TMEM132B: variants seen among roughly 807,000 people sequenced by gnomAD.
TMEM132B encodes transmembrane protein 132B.
A neutral mutation model predicts 90.8 loss-of-function variants in TMEM132B; 18 were observed. The observed-to-expected ratio is 0.20, with a 90% CI of 0.14 to 0.29. TMEM132B has a LOEUF of 0.29. TMEM132B is among the 10% of genes least tolerant of loss of function. TMEM132B has a pLI of 1.00. For missense variants in TMEM132B, 1,096 were observed against 1,326.8 expected, an observed-to-expected ratio of 0.83 and a Z score of 2.70; for synonymous variants, 504 against 523.3, an observed-to-expected ratio of 0.96 and a Z score of 0.50.
At chr12:125,470,617 T>C (rs1054470037) in intron 3 of TMEM132B, among the ~76,000 whole-genome samples, 18 of 152,128 alleles carry the variant, frequency 1.2e-4, no homozygotes, top group African/African-American at 4.1e-4. Flanking sequence ...CAGTGGTATA[T>C]CTAGTGGGTA....
intron 1 of TMEM132B, among the ~76,000 whole-genome samples, chr12:125,306,664 C>T (rs1030991080): frequency 6.6e-6 from 1 of 152,224 alleles, no homozygotes; most frequent in Admixed American, 6.5e-5. Context: ...TCACTGCTCC[C>T]AGCCATTATT....
intron 1 of TMEM132B, among the ~76,000 whole-genome samples, chr12:125,334,996 G>T (rs1876913449): frequency 6.6e-6 from 1 of 152,212 alleles, no homozygotes; most frequent in Admixed American, 6.5e-5. Context: ...GTCCCTGCCC[G>T]CTGAGATCAC....
In TMEM132B at chr12:125,407,809, G is replaced by A. The variant is rs531182451; in HGVS notation, c.960-7722G>A. 1.1e-4 allele frequency among the ~76,000 whole-genome samples: 17 copies of A among 152,330 alleles called. No individual in the cohort carries two copies. The highest frequency in any genetic ancestry group is 2.6e-4 in the Admixed American group (4 of 15,308). On this transcript the variant is annotated intron_variant, in intron 2 of 8. Transcript: ENST00000682704. This position sits in a 1 kb window ranked among gnomAD's most constrained non-coding sequence, Gnocchi z 6.7. ...TTCACCTGGAGACCTACCAGTGAAC[G>A]TGGGCAGTGGTGGAGCCACCATGTC...
At chr12:125,452,650 A>G (rs571803975) in intron 3 of TMEM132B, among the ~76,000 whole-genome samples, 1 of 152,278 alleles carries the variant, frequency 6.6e-6, no homozygotes, top group Admixed American at 6.5e-5. Flanking sequence ...ACATTATATA[A>G]TCTTTGAAAT....
intron 4 of TMEM132B, among the ~76,000 whole-genome samples, chr12:125,556,023 G>T (rs1884376999): frequency 6.6e-6 from 1 of 152,158 alleles, no homozygotes. Flanking sequence ...TGGAGAAGAG[G>T]TCTAACACAT....
intron 4 of TMEM132B, among the ~76,000 whole-genome samples, chr12:125,558,929 AT>A (rs1884456619): frequency 6.6e-6 from 1 of 152,208 alleles, no homozygotes; most frequent in South Asian, 2.1e-4. Flanking sequence ...TAGTAGGTTA[AT>A]TTGAGATGAT....
chr12:125,386,573 C>T (rs973695466), intron 2 of TMEM132B, among the ~76,000 whole-genome samples: 1 of 152,164 alleles, frequency 6.6e-6, no homozygotes, highest in Non-Finnish European at 1.5e-5. Context: ...TTTTTCTTCT[C>T]TACTTGTTCG....
rs145839927 is a variant in TMEM132B, at chr12:125,408,796, G to A, written c.960-6735G>A. 3.7e-3 allele frequency among the ~76,000 whole-genome samples: 563 copies of A among 152,242 alleles called. 7 individuals carry two copies. Among genetic ancestry groups the A allele is most frequent in the African/African-American group, 0.013 (543 of 41,540 alleles). ...CAGGCTTTGTAGTTATCACCAAATA[G>A]CTTTCCAAAGAGGTTGAACCAAATT... On this transcript the variant is annotated intron_variant, in intron 2 of 8. Coordinates refer to ENST00000682704, the MANE Select transcript of TMEM132B (RefSeq NM_001366854.1). The surrounding 1 kb of genome is among the most constrained non-coding windows in gnomAD (Gnocchi z 5.9).
chr12:125,625,314 T>G (rs767469134), intron 5 of TMEM132B, among the ~76,000 whole-genome samples: 5 of 152,046 alleles, frequency 3.3e-5, no homozygotes, highest in African/African-American at 4.8e-5. Flanking sequence ...TTTATATTTT[T>G]AGTAGAGACG....
rs566485213 is a variant in TMEM132B, at chr12:125,305,502, C to T, written c.68-43950C>T. ...TAAGAAGTCCTGGCATAAAGTAAAG[C>T]CTTGAGTGAAATTCCATGGCATCGC... On this transcript the variant is annotated intron_variant, in intron 1 of 8. Coordinates refer to ENST00000682704, the MANE Select transcript of TMEM132B (RefSeq NM_001366854.1). 1.2e-4 allele frequency among the ~76,000 whole-genome samples: 18 copies of T among 152,096 alleles called. No homozygotes were observed. In the East Asian group the frequency reaches 3.3e-3, roughly 28 times the overall value.
At chr12:125,501,029 T>C (rs1449830823) in intron 3 of TMEM132B, among the ~76,000 whole-genome samples, 1 of 152,194 alleles carries the variant, frequency 6.6e-6, no homozygotes, top group African/African-American at 2.4e-5. Flanking sequence ...TGTCAGCTTT[T>C]GTCAGATCGA....
chr12:125,367,346 T>G (rs565400828), intron 2 of TMEM132B, among the ~76,000 whole-genome samples: 5 of 152,216 alleles, frequency 3.3e-5, no homozygotes, highest in African/African-American at 9.6e-5. Flanking sequence ...TTAATTTTGT[T>G]GTAGTCAAAC....
chr12:125,321,161 A>G (rs1876416573), intron 1 of TMEM132B, among the ~76,000 whole-genome samples: 1 of 152,244 alleles, frequency 6.6e-6, no homozygotes, highest in Middle Eastern at 3.2e-3. Flanking sequence ...ATGTAGACCA[A>G]AGAAGTGGTA....
At chr12:125,263,661 AGGTT>A (rs991496039) in intron 1 of TMEM132B, among the ~76,000 whole-genome samples, 11 of 152,156 alleles carry the variant, frequency 7.2e-5, no homozygotes, top group African/African-American at 2.7e-4. Flanking sequence ...ATTTTTTTTG[AGGTT>A]GGTGTGTATC....
At chr12:125,241,416 A>G (rs1874064569) in intron 1 of TMEM132B, among the ~76,000 whole-genome samples, 1 of 152,172 alleles carries the variant, frequency 6.6e-6, no homozygotes, top group Non-Finnish European at 1.5e-5. Flanking sequence ...CTGGGGTTTC[A>G]TGATGTGAGT....
rs141204114 is a variant in TMEM132B, at chr12:125,520,650, T to G, written c.1293+1025T>G. On this transcript the variant is annotated intron_variant, in intron 4 of 8. Coordinates refer to ENST00000682704, the MANE Select transcript of TMEM132B (RefSeq NM_001366854.1). The stretch of plus-strand genomic sequence containing the variant: ...TGGCTAAAATTGGCCCTCCCTCCCC[T>G]GCCAGCTCATCACCCTCTACCTGTC... Among the ~76,000 whole-genome samples the G allele has an allele frequency of 6.5e-3, 984 of 152,268 alleles. 9 individuals carry two copies. Among genetic ancestry groups the G allele is most frequent in the African/African-American group, 0.022 (913 of 41,560 alleles).
intron 1 of TMEM132B, among the ~76,000 whole-genome samples, chr12:125,259,033 A>G (rs947200632): frequency 6.6e-6 from 1 of 152,188 alleles, no homozygotes; most frequent in Non-Finnish European, 1.5e-5. Context: ...GTCAGCTGTG[A>G]ACTGTGAGGA....
At chr12:125,614,094 C>A (rs181755822) in intron 5 of TMEM132B, among the ~76,000 whole-genome samples, 1 of 152,134 alleles carries the variant, frequency 6.6e-6, no homozygotes. Context: ...CTGTGTCTTA[C>A]AATTATGTAA....
chr12:125,412,958 G>A (rs1879897146), intron 2 of TMEM132B, among the ~76,000 whole-genome samples: 1 of 152,158 alleles, frequency 6.6e-6, no homozygotes, highest in Non-Finnish European at 1.5e-5. Flanking sequence ...TGGCATCTGA[G>A]TCTCCGGGAA....
Sources: gnomAD v4.1 joint callset for allele counts (sites outside exome capture counted in the v4.1 genomes callset) on GRCh38, gnomAD v4.1.1 for gene constraint, Gnocchi (gnomAD v3.1) non-coding constraint, MANE v1.5 for transcripts, NCBI Gene and HGNC (gene_info 2026-07-23, HGNC 2026-07-21) for gene names.